Variants in LZTFL1 observed in about 807,000 individuals in gnomAD.
LZTFL1 encodes the protein leucine zipper transcription factor-like protein 1.
In LZTFL1, 25 loss-of-function variants were observed where a neutral mutation model predicts 45.9. The observed-to-expected ratio is 0.54, with a 90% CI of 0.40 to 0.76. The LOEUF (loss-of-function observed/expected upper bound fraction) is 0.76. Ranked by LOEUF, LZTFL1 falls within the 30% of genes least tolerant of loss-of-function variation. LZTFL1 has a pLI of 0.00. For missense variants in LZTFL1, 277 were observed against 331.1 expected, an observed-to-expected ratio of 0.84 and a Z score of 1.27; for synonymous variants, 93 against 117.4, an observed-to-expected ratio of 0.79 and a Z score of 1.35.
At position 45,828,527 on chromosome 3, in the gene LZTFL1, G is replaced by A; in HGVS notation, c.689C>T (p.Thr230Ile). ...CTCCTCCAGTGACTTCTGGTTTTCT[G>A]TCTTGTCATTAAGTGTCTTCTGAAA... ...SEFQKTLNDK[T>I]ENQKSLEENL... Residue 230 changes from threonine to isoleucine, a missense_variant, in exon 8 of 10, where the codon ACA becomes ATA. Coordinates refer to ENST00000296135, the MANE Select transcript of LZTFL1 (RefSeq NM_020347.4). 1 of 1,614,152 alleles carries A rather than the reference G, an allele frequency of 6.2e-7. No homozygotes were observed. Among genetic ancestry groups the A allele is most frequent in the Non-Finnish European group, 8.5e-7 (1 of 1,180,006 alleles).
At chr3:45,837,846 C>T in intron 2 of LZTFL1, 81 bp downstream of exon 2, 2 of 1,431,224 alleles carry the variant, frequency 1.4e-6, no homozygotes, top group African/African-American at 2.9e-5. Context: ...AATTGTCTGG[C>T]CTCTGCTATG....
intron 2 of LZTFL1, among the ~76,000 whole-genome samples, chr3:45,877,051 T>G (rs1293541776): frequency 6.6e-6 from 1 of 151,964 alleles, no homozygotes; most frequent in African/African-American, 2.4e-5. Flanking sequence ...GCTTCCTCAA[T>G]GCATATCAGA....
At chr3:45,866,142 G>T (rs945109515) in intron 2 of LZTFL1, among the ~76,000 whole-genome samples, 1 of 152,158 alleles carries the variant, frequency 6.6e-6, no homozygotes, top group Non-Finnish European at 1.5e-5. Context: ...TGGTGGCGTG[G>T]TGGGAGGAAG....
In LZTFL1 at chr3:45,824,956, ATCT is replaced by A. The variant is rs1700627297; in HGVS notation, c.*1355_*1357del. ...ATTCTCTCCCTTCTCTCATCCATTC[ATCT>A]TCTTAAGACTGCCTTCTGTGTCCTT... On this transcript the variant is annotated 3_prime_UTR_variant, in exon 10 of 10. Transcript: ENST00000296135. 5.0e-6 allele frequency: 2 copies of A among 398,216 alleles called. No individual in the cohort carries two copies. Among genetic ancestry groups the A allele is most frequent in the Admixed American group, 4.4e-5 (1 of 22,706 alleles). The allele number at this position is 398,216 out of a possible 1,614,324, so 24.7% of individuals were successfully genotyped here. A position where few individuals can be genotyped will look rare whatever the true frequency, so the allele number is the denominator to read the frequency against.
chr3:45,905,961 T>A (rs1314435103), intron 2 of LZTFL1, among the ~76,000 whole-genome samples: 1 of 152,206 alleles, frequency 6.6e-6, no homozygotes, highest in African/African-American at 2.4e-5. Context: ...GAAGCCTTCA[T>A]GGCAGTTTGA....
At chr3:45,911,720 C>T (rs562906177) in intron 2 of LZTFL1, among the ~76,000 whole-genome samples, 8 of 152,366 alleles carry the variant, frequency 5.3e-5, no homozygotes, top group Middle Eastern at 3.4e-3. Flanking sequence ...AGGCCCTCCC[C>T]GCTCATGGCT....
intron 1 of LZTFL1, among the ~76,000 whole-genome samples, chr3:45,841,526 C>CG (rs552796322): frequency 3.2e-4 from 49 of 152,266 alleles, no homozygotes; most frequent in Admixed American, 1.8e-3. Context: ...CCTCTGGTTA[C>CG]CGCGCGCGCG....
intron 3 of LZTFL1, among the ~76,000 whole-genome samples, chr3:45,857,982 T>A (rs181426716): frequency 6.4e-4 from 98 of 152,354 alleles, no homozygotes; most frequent in African/African-American, 2.2e-3. Context: ...TTAATCATAA[T>A]GATAATTTTA....
intron 7 of LZTFL1, 128 bp downstream of exon 7, chr3:45,830,785 C>A: frequency 1.3e-6 from 1 of 774,324 alleles, no homozygotes; most frequent in Non-Finnish European, 2.1e-6. Flanking sequence ...CAACACATGA[C>A]AATAGAGGCA....
chr3:45,835,232 A>C (rs1700934155), intron 3 of LZTFL1: 1 of 175,048 alleles, frequency 5.7e-6, no homozygotes, highest in Non-Finnish European at 1.2e-5. Context: ...TTATATTTGA[A>C]TTGACTTTTC....
chr3:45,901,945 A>G lies in LZTFL1; in HGVS notation c.-215+11175T>C. The stretch of plus-strand genomic sequence containing the variant: ...GGTTCTTTTGGAAGAAATGAGAAAT[A>G]CAGAAACAGTTTCCCCACTGATGGG... On this transcript the variant is annotated intron_variant, in intron 2 of 4. Coordinates refer to the LZTFL1 transcript ENST00000472635. This position sits in a 1 kb window ranked among gnomAD's most constrained non-coding sequence, Gnocchi z 4.3. The G allele has an allele frequency of 6.7e-7, 1 of 1,483,858 alleles. No individual in the cohort carries two copies. Among genetic ancestry groups the G allele is most frequent in the Non-Finnish European group, 9.1e-7 (1 of 1,101,502 alleles). 91.9% of individuals were successfully genotyped at this position (1,483,858 alleles called of 1,614,324 possible).
At chr3:45,893,652 T>C (rs920144690) in intron 2 of LZTFL1, among the ~76,000 whole-genome samples, 1 of 152,242 alleles carries the variant, frequency 6.6e-6, no homozygotes, top group Non-Finnish European at 1.5e-5. Context: ...CCCTATTCCA[T>C]TGGACGGATA....
chr3:45,844,311 A>G (rs552494626), upstream of LZTFL1, among the ~76,000 whole-genome samples: 1 of 152,240 alleles, frequency 6.6e-6, no homozygotes, highest in South Asian at 2.1e-4. Flanking sequence ...TGAGGAAAAA[A>G]TCTGAGGGGA....
In LZTFL1 at chr3:45,834,232, A is replaced by G; in HGVS notation, c.384+6T>C. Reference sequence around the variant, plus strand: ...AGATATGGATTTAGAATGACCAAAAAGTTACCTTTTTGTTTGAAGATGTAA... The same window carrying G: ...AGATATGGATTTAGAATGACCAAAAGGTTACCTTTTTGTTTGAAGATGTAA... On this transcript the variant is annotated splice_donor_region_variant and intron_variant, in intron 4 of 9. Transcript: ENST00000296135. The G allele has an allele frequency of 6.4e-7, 1 of 1,572,744 alleles. No individual in the cohort carries two copies. The highest frequency in any genetic ancestry group is 1.1e-5 in the South Asian group (1 of 88,930).
intron 2 of LZTFL1, among the ~76,000 whole-genome samples, chr3:45,882,799 ATTATTATTAT>A (rs1056774002): frequency 6.8e-5 from 1 of 14,796 alleles, no homozygotes; most frequent in African/African-American, 7.6e-4. Flanking sequence ...AGGGGATACT[ATTATTATTAT>A]TATTATTATT....
chr3:45,844,320 G>A (rs1399989679), upstream of LZTFL1, among the ~76,000 whole-genome samples: 1 of 152,112 alleles, frequency 6.6e-6, no homozygotes, highest in African/African-American at 2.4e-5. Flanking sequence ...AATCTGAGGG[G>A]AAAATCTGAG....
chr3:45,873,163 C>T (rs925987001), intron 2 of LZTFL1, among the ~76,000 whole-genome samples: 2 of 152,182 alleles, frequency 1.3e-5, no homozygotes, highest in African/African-American at 4.8e-5. Context: ...ATTTTTCAAG[C>T]TTCTCAAACT....
chr3:45,892,119 T>G (rs759308159), intron 2 of LZTFL1, among the ~76,000 whole-genome samples: 1 of 152,184 alleles, frequency 6.6e-6, no homozygotes, highest in African/African-American at 2.4e-5. Flanking sequence ...AATTATGCTG[T>G]GTATCATTGC....
chr3:45,883,201 C>T (rs1378697575), intron 2 of LZTFL1, among the ~76,000 whole-genome samples: 2 of 152,128 alleles, frequency 1.3e-5, no homozygotes, highest in Admixed American at 6.5e-5. Flanking sequence ...AAATTAAACA[C>T]GGTCTCATTT....
Sources: allele counts gnomAD v4.1 joint callset (sites outside exome capture counted in the v4.1 genomes callset), GRCh38; gene constraint gnomAD v4.1.1; non-coding constraint Gnocchi (gnomAD v3.1); transcripts MANE v1.5; gene names NCBI Gene and HGNC (gene_info 2026-07-23, HGNC 2026-07-21).